SNTG1: variants seen among roughly 807,000 people sequenced by gnomAD.
SNTG1 encodes syntrophin gamma 1.
In SNTG1, 39 loss-of-function variants were observed where a neutral mutation model predicts 74.7. The ratio of observed to expected loss-of-function variants is 0.52; its 90% confidence interval spans 0.40 to 0.68. The LOEUF (loss-of-function observed/expected upper bound fraction) is 0.68. Ranked by LOEUF, SNTG1 falls within the 30% of genes least tolerant of loss-of-function variation. SNTG1 has a pLI of 0.00. For missense variants in SNTG1, 685 were observed against 609.5 expected (o/e 1.12, Z -1.30); for synonymous variants, 254 against 217.1 (o/e 1.17, Z -1.49).
chr8:50,758,195 G>C (rs977314666), intron 18 of SNTG1, among the ~76,000 whole-genome samples: 1 of 151,728 alleles, frequency 6.6e-6, no homozygotes, highest in Admixed American at 6.6e-5. Flanking sequence ...ATTAATCATA[G>C]TTGTTTCAAA....
At chr8:50,560,368 G>A (rs897266835) in intron 12 of SNTG1, among the ~76,000 whole-genome samples, 11 of 152,178 alleles carry the variant, frequency 7.2e-5, no homozygotes, top group African/African-American at 2.2e-4. Context: ...CCATTACTGG[G>A]TATGAACCCA....
chr8:50,395,464 T>C (rs2092715052), intron 3 of SNTG1, among the ~76,000 whole-genome samples: 1 of 151,398 alleles, frequency 6.6e-6, no homozygotes, highest in Non-Finnish European at 1.5e-5. Context: ...TGAATTAATG[T>C]TCTAGAAGCT....
chr8:50,341,590 T>C (rs905713252), intron 2 of SNTG1, among the ~76,000 whole-genome samples: 7 of 151,878 alleles, frequency 4.6e-5, no homozygotes, highest in Admixed American at 4.6e-4. Context: ...TGAAAATAAA[T>C]TTTAATAGGA....
intron 1 of SNTG1, among the ~76,000 whole-genome samples, chr8:50,095,422 G>T (rs1166941463): frequency 6.6e-6 from 1 of 152,164 alleles, no homozygotes; most frequent in Non-Finnish European, 1.5e-5. Flanking sequence ...TCTCAGCGTT[G>T]CTCAAAATGA....
intron 1 of SNTG1, among the ~76,000 whole-genome samples, chr8:50,070,806 G>A (rs2131000408): frequency 6.6e-6 from 1 of 152,300 alleles, no homozygotes; most frequent in Admixed American, 6.5e-5. Context: ...GGCATTCTCA[G>A]TCAGGTTTCT....
intron 15 of SNTG1, among the ~76,000 whole-genome samples, chr8:50,704,278 G>T (rs977892319): frequency 9.9e-5 from 15 of 152,178 alleles, no homozygotes; most frequent in Non-Finnish European, 5.9e-5. Flanking sequence ...GTAAGGAAGG[G>T]AAGAGATAGT....
chr8:50,562,616 T>G (rs913184825), intron 12 of SNTG1, among the ~76,000 whole-genome samples: 3 of 152,212 alleles, frequency 2.0e-5, no homozygotes, highest in African/African-American at 7.2e-5. Context: ...TGTGGGTTTT[T>G]CTTAAACCAC....
chr8:50,056,018 C>T (rs748782401), intron 1 of SNTG1, among the ~76,000 whole-genome samples: 8 of 151,938 alleles, frequency 5.3e-5, no homozygotes, highest in African/African-American at 1.2e-4. Flanking sequence ...CAGTTCCAAA[C>T]GGAGGGAAAA....
At chr8:50,447,934 A>G (rs1378701852) in intron 5 of SNTG1, among the ~76,000 whole-genome samples, 1 of 152,216 alleles carries the variant, frequency 6.6e-6, no homozygotes, top group Non-Finnish European at 1.5e-5. Context: ...AAATCTTAAT[A>G]CATGGGCTGT....
At chr8:50,221,502 AACACACACAT>A (rs1311453178) in intron 2 of SNTG1, among the ~76,000 whole-genome samples, 1 of 130,874 alleles carries the variant, frequency 7.6e-6, no homozygotes, top group African/African-American at 3.3e-5. Flanking sequence ...TACCCCTCCC[AACACACACAT>A]ACACACACAC....
At chr8:50,210,185 G>A (rs2084448605) in intron 2 of SNTG1, among the ~76,000 whole-genome samples, 1 of 152,040 alleles carries the variant, frequency 6.6e-6, no homozygotes, top group African/African-American at 2.4e-5. Flanking sequence ...AGAAAAAAGA[G>A]TAAAAAGAAA....
At chr8:50,473,039 G>T (rs75560436) in intron 8 of SNTG1, among the ~76,000 whole-genome samples, 6,280 of 152,218 alleles carry the variant, frequency 0.041, 139 homozygotes, top group Middle Eastern at 0.12. Context: ...GAAAACAAGC[G>T]TTGGCAAGTG....
chr8:49,973,524 AAAAAAG>A (rs1563416442), intron 1 of SNTG1, among the ~76,000 whole-genome samples: 1 of 152,168 alleles, frequency 6.6e-6, no homozygotes, highest in African/African-American at 2.4e-5. Context: ...AATAAAAAAA[AAAAAAG>A]AAAAGAGTCT....
chr8:49,914,548 A>G (rs1397299347), intron 1 of SNTG1, among the ~76,000 whole-genome samples: 1 of 152,112 alleles, frequency 6.6e-6, no homozygotes, highest in Non-Finnish European at 1.5e-5. Flanking sequence ...AAATGTTATA[A>G]AAACACTTCT....
intron 2 of SNTG1, among the ~76,000 whole-genome samples, chr8:50,266,527 ATG>A (rs2087474198): frequency 6.6e-6 from 1 of 151,782 alleles, no homozygotes; most frequent in African/African-American, 2.4e-5. Flanking sequence ...TGATTATGCA[ATG>A]ACTTCTTATG....
At chr8:49,997,985 G>A (rs1289015071) in intron 1 of SNTG1, among the ~76,000 whole-genome samples, 1 of 152,092 alleles carries the variant, frequency 6.6e-6, no homozygotes, top group African/African-American at 2.4e-5. Context: ...CATAATAGAG[G>A]ATACTTATAC....
chr8:50,091,422 C>A (rs2079732665), intron 1 of SNTG1, among the ~76,000 whole-genome samples: 3 of 152,194 alleles, frequency 2.0e-5, no homozygotes, highest in South Asian at 4.1e-4. Flanking sequence ...TACATAACTT[C>A]ATTGAGAAAC....
intron 2 of SNTG1, among the ~76,000 whole-genome samples, chr8:50,388,791 T>C (rs1563319245): frequency 1.3e-5 from 2 of 152,156 alleles, no homozygotes; most frequent in East Asian, 1.9e-4. Flanking sequence ...TTAAAGTGAG[T>C]TGATTATATA....
chr8:50,370,299 G>A (rs970178075), intron 2 of SNTG1, among the ~76,000 whole-genome samples: 2 of 152,138 alleles, frequency 1.3e-5, no homozygotes, highest in Non-Finnish European at 2.9e-5. Flanking sequence ...ACCACTCTGC[G>A]ACTGGCTGAA....
Sources: allele counts gnomAD v4.1 joint callset (sites outside exome capture counted in the v4.1 genomes callset), GRCh38; gene constraint gnomAD v4.1.1; transcripts MANE v1.5; gene names NCBI Gene and HGNC (gene_info 2026-07-23, HGNC 2026-07-21).